RANBP9: variants seen among roughly 807,000 people sequenced by gnomAD.
RANBP9 encodes the protein RAN binding protein 9, also known as ran-binding protein 9.
A neutral mutation model predicts 84.3 loss-of-function variants in RANBP9; 15 were observed. The ratio of observed to expected loss-of-function variants is 0.18; its 90% confidence interval spans 0.12 to 0.27. RANBP9 has a LOEUF of 0.27. Ranked by LOEUF, RANBP9 falls within the 10% of genes least tolerant of loss-of-function variation. The pLI, the probability that RANBP9 is intolerant of heterozygous loss-of-function variation, is 1.00. For synonymous variants in RANBP9, 392 were observed against 349.6 expected (o/e 1.12, Z -1.35); for missense variants, 809 against 912.8 (o/e 0.89, Z 1.46).
intron 2 of RANBP9, among the ~76,000 whole-genome samples, chr6:13,667,100 C>A (rs1046759231): frequency 6.6e-6 from 1 of 152,084 alleles, no homozygotes; most frequent in African/African-American, 2.4e-5. Context: ...TTACCAAGAG[C>A]AATGAACATG....
At chr6:13,702,836 T>C (rs891000228) in intron 1 of RANBP9, among the ~76,000 whole-genome samples, 2 of 152,186 alleles carry the variant, frequency 1.3e-5, no homozygotes, top group African/African-American at 4.8e-5. Flanking sequence ...TACTTGGTCC[T>C]TTCATTTACT....
chr6:13,622,963 A>G (rs994652893), intron 13 of RANBP9, among the ~76,000 whole-genome samples: 1 of 152,198 alleles, frequency 6.6e-6, no homozygotes, highest in African/African-American at 2.4e-5. Context: ...TCCAAGGCAT[A>G]TATAGGTAAT....
chr6:13,642,738 A>T (rs555266784), intron 6 of RANBP9, 147 bp from the exon 7 acceptor site: 515 of 465,172 alleles, frequency 1.1e-3, no homozygotes, highest in Non-Finnish European at 1.7e-3. Context: ...CCTTTAAAGT[A>T]AGCTTTTGAA....
chr6:13,650,166 GT>G (rs749352241), intron 5 of RANBP9, among the ~76,000 whole-genome samples: 151 of 130,778 alleles, frequency 1.2e-3, no homozygotes, highest in Admixed American at 1.4e-3. Flanking sequence ...GTGTTTTTTT[GT>G]TTTTTTTTTT....
At chr6:13,674,868 CTA>C (rs1765854310) in intron 2 of RANBP9, among the ~76,000 whole-genome samples, 2 of 152,158 alleles carry the variant, frequency 1.3e-5, no homozygotes, top group South Asian at 4.1e-4. Context: ...GTTTTCATTT[CTA>C]TGTCTGTCCC....
intron 1 of RANBP9, among the ~76,000 whole-genome samples, chr6:13,710,457 CCCCCTGTGTAT>C: frequency 6.6e-6 from 1 of 152,242 alleles, no homozygotes; most frequent in East Asian, 1.9e-4. Context: ...GATTACTCCT[CCCCCTGTGTAT>C]CCCTGCTCTC....
At chr6:13,702,971 C>G (rs1427360162) in intron 1 of RANBP9, among the ~76,000 whole-genome samples, 1 of 152,212 alleles carries the variant, frequency 6.6e-6, no homozygotes, top group African/African-American at 2.4e-5. Flanking sequence ...CTAAACCTAT[C>G]TGTTGCAACA....
intron 2 of RANBP9, among the ~76,000 whole-genome samples, chr6:13,679,777 G>A (rs1033373293): frequency 2.0e-5 from 3 of 152,070 alleles, no homozygotes; most frequent in African/African-American, 7.2e-5. Flanking sequence ...TACCAAATGA[G>A]ATGTACCTAT....
chr6:13,677,641 C>CT (rs538680744), intron 2 of RANBP9, among the ~76,000 whole-genome samples: 133 of 152,220 alleles, frequency 8.7e-4, no homozygotes, highest in Non-Finnish European at 1.6e-3. Flanking sequence ...GGGCACTTGT[C>CT]TATAATTCAC....
chr6:13,702,932 G>A (rs1055556780), intron 1 of RANBP9, among the ~76,000 whole-genome samples: 2 of 152,076 alleles, frequency 1.3e-5, no homozygotes, highest in Non-Finnish European at 2.9e-5. Flanking sequence ...ATTTCCAAAC[G>A]TAGTGGAAAA....
At chr6:13,629,560 C>G (rs1764717053) in intron 12 of RANBP9, among the ~76,000 whole-genome samples, 1 of 152,136 alleles carries the variant, frequency 6.6e-6, no homozygotes, top group African/African-American at 2.4e-5. Flanking sequence ...GAATCTGGAG[C>G]AGTTTCTAAA....
At chr6:13,666,065 T>C (rs1765636563) in intron 2 of RANBP9, among the ~76,000 whole-genome samples, 1 of 152,136 alleles carries the variant, frequency 6.6e-6, no homozygotes, top group Admixed American at 6.6e-5. Context: ...CATACACATC[T>C]GCAAAACTTA....
intron 4 of RANBP9, among the ~76,000 whole-genome samples, chr6:13,655,696 G>A (rs1765382380): frequency 6.6e-6 from 1 of 152,144 alleles, no homozygotes; most frequent in African/African-American, 2.4e-5. Context: ...AAAAGTTTAT[G>A]TTAAAGAGAT....
chr6:13,671,118 G>A (rs1765770453), intron 2 of RANBP9, among the ~76,000 whole-genome samples: 2 of 152,074 alleles, frequency 1.3e-5, no homozygotes, highest in South Asian at 2.1e-4. Context: ...GACACTATGA[G>A]CTCTCATTTT....
At chr6:13,622,812 T>C (rs1391390488) in intron 13 of RANBP9, among the ~76,000 whole-genome samples, 1 of 152,136 alleles carries the variant, frequency 6.6e-6, no homozygotes, top group Non-Finnish European at 1.5e-5. Flanking sequence ...GAGTGGAGAG[T>C]AAGGAATTAT....
rs70989878 is a variant in RANBP9, at chr6:13,666,600, C to CAAAAAAAAAAAAAAAAAAAAAAA, written c.684-7791_684-7769dup. On this transcript the variant is annotated intron_variant, in intron 2 of 13. Transcript: ENST00000011619. ...AGACCAGCCTGGGACCCCGTCTCTC[C>CAAAAAAAAAAAAAAAAAAAAAAA]AAAAAAAAAAAAAAAAAAAAAAAAA... Among the ~76,000 whole-genome samples the CAAAAAAAAAAAAAAAAAAAAAAA allele has an allele frequency of 3.9e-4, 17 of 43,702 alleles. 1 individual carries two copies. Among genetic ancestry groups the CAAAAAAAAAAAAAAAAAAAAAAA allele is most frequent in the Admixed American group, 7.1e-4 (2 of 2,804 alleles). The allele number at this position is 43,702 out of a possible 152,430, so 28.7% of individuals were successfully genotyped here.
In RANBP9 at chr6:13,697,000, A is replaced by C. The variant is rs534897746; in HGVS notation, c.572-104T>G. On this transcript the variant is annotated intron_variant, in intron 1 of 13. Coordinates refer to ENST00000011619, the MANE Select transcript of RANBP9 (RefSeq NM_005493.3). Reference sequence around the variant, plus strand: ...ATATAGGTTTTTGGAATGATGTATTATTTCTGCTCCTATCAGTTCAAATAC... The same window carrying C: ...ATATAGGTTTTTGGAATGATGTATTCTTTCTGCTCCTATCAGTTCAAATAC... 26 of 897,500 alleles carry C rather than the reference A, an allele frequency of 2.9e-5. No homozygotes were observed. The South Asian group carries it at 4.5e-4, about 15-fold the overall frequency. The allele number at this position is 897,500 out of a possible 1,614,324, so 55.6% of individuals were successfully genotyped here.
intron 1 of RANBP9, among the ~76,000 whole-genome samples, chr6:13,710,458 C>T (rs1758246387): frequency 6.6e-6 from 1 of 152,098 alleles, no homozygotes; most frequent in Admixed American, 6.5e-5. Context: ...ATTACTCCTC[C>T]CCCTGTGTAT....
chr6:13,659,057 C>G (rs1270679694), intron 2 of RANBP9, among the ~76,000 whole-genome samples: 1 of 152,020 alleles, frequency 6.6e-6, no homozygotes, highest in Non-Finnish European at 1.5e-5. Flanking sequence ...TTCATAAATA[C>G]ACACAAAGCA....
Sources: allele counts gnomAD v4.1 joint callset (sites outside exome capture counted in the v4.1 genomes callset), GRCh38; gene constraint gnomAD v4.1.1; transcripts MANE v1.5; gene names NCBI Gene and HGNC (gene_info 2026-07-23, HGNC 2026-07-21).